SYCP1: variants seen among roughly 807,000 people sequenced by gnomAD.
SYCP1 encodes the protein cancer/testis antigen 8.
In SYCP1, 64 loss-of-function variants were observed where a neutral mutation model predicts 153.1. The observed-to-expected ratio is 0.42, with a 90% CI of 0.34 to 0.51. SYCP1 has a LOEUF of 0.51. Among genes scored for constraint, SYCP1 ranks in the 20% least tolerant of loss-of-function variants. The probability of loss-of-function intolerance (pLI) is 0.06; values close to 1 mark genes in which losing one functional copy is unlikely to be tolerated. For synonymous variants in SYCP1, 384 were observed against 341.8 expected (o/e 1.12, Z -1.36); for missense variants, 997 against 1,049.0 (o/e 0.95, Z 0.68).
intron 27 of SYCP1, among the ~76,000 whole-genome samples, chr1:114,957,338 C>T (rs1396205538): frequency 6.6e-6 from 1 of 152,122 alleles, no homozygotes; most frequent in Non-Finnish European, 1.5e-5. Flanking sequence ...TATGAAATTA[C>T]TGAAAGAAAA....
intron 20 of SYCP1, among the ~76,000 whole-genome samples, chr1:114,920,219 C>G (rs1668777081): frequency 6.6e-6 from 1 of 151,956 alleles, no homozygotes; most frequent in South Asian, 2.1e-4. Flanking sequence ...CAGTTTTCTT[C>G]TTAATCTCTT....
chr1:114,860,850 T>G (rs1369941964), intron 8 of SYCP1, 41 bp downstream of exon 8: 2 of 1,446,084 alleles, frequency 1.4e-6, no homozygotes, highest in South Asian at 1.4e-5. Context: ...ATCAATTTAT[T>G]TTACTGGTAG....
intron 27 of SYCP1, among the ~76,000 whole-genome samples, chr1:114,975,333 AGTGTGT>A (rs10641182): frequency 1.4e-5 from 2 of 146,466 alleles, no homozygotes; most frequent in East Asian, 2.0e-4. Context: ...CTCTAAAGTA[AGTGTGT>A]GTGTGTGTGT....
chr1:114,907,406 C>T (rs1251353622), intron 16 of SYCP1, among the ~76,000 whole-genome samples: 2 of 152,086 alleles, frequency 1.3e-5, no homozygotes, highest in East Asian at 3.8e-4. Context: ...TTTAAACTCT[C>T]TGCCTTCTTT....
At chr1:114,887,467 T>C (rs1186713361) in intron 14 of SYCP1, among the ~76,000 whole-genome samples, 159 bp from the exon 15 acceptor site, 1 of 151,990 alleles carries the variant, frequency 6.6e-6, no homozygotes, top group Non-Finnish European at 1.5e-5. Context: ...TTTAAAATGT[T>C]ACACTATATG....
chr1:114,897,665 G>GA (rs559997441), intron 16 of SYCP1, among the ~76,000 whole-genome samples: 386 of 152,184 alleles, frequency 2.5e-3, no homozygotes, highest in African/African-American at 8.9e-3. Context: ...GAGGAAAAAG[G>GA]AAAAAACAAG....
chr1:114,867,221 G>A (rs1039265286), intron 8 of SYCP1, among the ~76,000 whole-genome samples: 2 of 151,724 alleles, frequency 1.3e-5, no homozygotes, highest in Non-Finnish European at 2.9e-5. Flanking sequence ...CTTTAATATC[G>A]TGTTCGCTCT....
rs746061414 is a variant in SYCP1 at position 114,981,428 on chromosome 1, A to G, written c.2475A>G (p.Thr825=). ...CACAAACTGTATCTCGAAATTTCAC[A>G]TCAGTTGATCATGGCATATCCAAAG... is the stretch of plus-strand genomic sequence containing the variant. ...VPSQTVSRNF[T]SVDHGISKDK... The change falls in exon 29 of 32, where the codon ACA becomes ACG. Residue 825 remains threonine, a synonymous_variant. Coordinates refer to ENST00000369522, the MANE Select transcript of SYCP1 (RefSeq NM_003176.4). 2 of 1,610,566 alleles carry G rather than the reference A, an allele frequency of 1.2e-6. No homozygotes were observed. Among genetic ancestry groups the G allele is most frequent in the Non-Finnish European group, 1.7e-6 (2 of 1,178,560 alleles).
intron 27 of SYCP1, among the ~76,000 whole-genome samples, chr1:114,953,318 A>G (rs909845546): frequency 6.6e-6 from 1 of 152,188 alleles, no homozygotes; most frequent in Non-Finnish European, 1.5e-5. Flanking sequence ...TTTAATCTTG[A>G]TAAATTTTAA....
intron 27 of SYCP1, among the ~76,000 whole-genome samples, chr1:114,950,214 C>T (rs958290860): frequency 6.6e-6 from 1 of 152,126 alleles, no homozygotes; most frequent in African/African-American, 2.4e-5. Context: ...TTTCTTTTGG[C>T]CTTGAGACTG....
At chr1:114,907,879 G>A (rs1379027836) in intron 16 of SYCP1, among the ~76,000 whole-genome samples, 1 of 152,066 alleles carries the variant, frequency 6.6e-6, no homozygotes, top group Non-Finnish European at 1.5e-5. Context: ...TTATGCTAGA[G>A]TTGTCATATA....
chr1:114,905,758 G>A (rs1667767489), intron 16 of SYCP1, among the ~76,000 whole-genome samples: 1 of 152,020 alleles, frequency 6.6e-6, no homozygotes, highest in African/African-American at 2.4e-5. Flanking sequence ...TTTTTTTATT[G>A]TTATAGAACT....
intron 23 of SYCP1, among the ~76,000 whole-genome samples, chr1:114,938,830 G>C (rs360667): frequency 0.5 from 75,233 of 151,686 alleles, 19,954 homozygotes; most frequent in Middle Eastern, 0.62. Context: ...CTTAATATCA[G>C]TAATCATTGC....
chr1:114,988,155 C>T (rs936812986), intron 30 of SYCP1, among the ~76,000 whole-genome samples: 2 of 148,746 alleles, frequency 1.3e-5, no homozygotes, highest in African/African-American at 5.0e-5. Flanking sequence ...ACACCATCAG[C>T]TGGGCCAATA....
intron 25 of SYCP1, among the ~76,000 whole-genome samples, chr1:114,945,922 T>A (rs1169535702): frequency 6.6e-6 from 1 of 152,160 alleles, no homozygotes; most frequent in African/African-American, 2.4e-5. Context: ...TAATGCTAGT[T>A]TAAGGCTTGT....
chr1:114,963,473 C>T (rs1371228802), intron 27 of SYCP1, among the ~76,000 whole-genome samples: 1 of 152,138 alleles, frequency 6.6e-6, no homozygotes, highest in Non-Finnish European at 1.5e-5. Flanking sequence ...TTGCTGCACT[C>T]ACCAATCTAT....
chr1:114,908,219 G>A (rs72694100), intron 16 of SYCP1, among the ~76,000 whole-genome samples: 9,144 of 149,366 alleles, frequency 0.061, 318 homozygotes, highest in Middle Eastern at 0.14. Context: ...TGGGTTGACA[G>A]TTTTGTTTCT....
intron 28 of SYCP1, among the ~76,000 whole-genome samples, chr1:114,979,565 T>A (rs977531139): frequency 1.3e-5 from 2 of 151,762 alleles, no homozygotes; most frequent in Non-Finnish European, 3.0e-5. Context: ...GCAGTTACAT[T>A]TTGGCGGTTC....
At position 114,856,588 on chromosome 1, in the gene SYCP1, A is replaced by G; in HGVS notation, c.124A>G (p.Thr42Ala). Reference protein sequence around the residue: ...STFFKSFNKCTEDDFEFPFAK... With the variant: ...STFFKSFNKCAEDDFEFPFAK... ...GTGTCTCTAGAGTTTCAACAAATGT[A>G]CTGAAGATGATTTTGAGTTTCCATT... Residue 42 changes from threonine (T) to alanine (A), a missense_variant, in exon 3 of 32, where the codon ACT (threonine) becomes GCT (alanine). Thr to Ala is a moderately conservative substitution (Grantham distance 58, BLOSUM62 0). Around this residue, in one of 2 missense-constraint regions of SYCP1, gnomAD observed 285 missense variants for 366.1 expected, o/e 0.78. Transcript: ENST00000369522. 6.2e-7 allele frequency: 1 copy of G among 1,610,868 alleles called. No individual in the cohort carries two copies. The highest frequency in any genetic ancestry group is 8.5e-7 in the Non-Finnish European group (1 of 1,178,776).
Sources: gnomAD v4.1 joint callset for allele counts (sites outside exome capture counted in the v4.1 genomes callset) on GRCh38, gnomAD v4.1.1 for gene constraint, gnomAD v4.1.1 regional missense constraint, MANE v1.5 for transcripts, NCBI Gene and HGNC (gene_info 2026-07-23, HGNC 2026-07-21) for gene names.